CDH11: variants seen among roughly 807,000 people sequenced by gnomAD.
CDH11 encodes cadherin 11.
A neutral mutation model predicts 67.8 loss-of-function variants in CDH11; 11 were observed. That is an observed-to-expected ratio of 0.16 (90% CI 0.10 to 0.27). The LOEUF is 0.27. Ranked by LOEUF, CDH11 falls within the 10% of genes least tolerant of loss-of-function variation. CDH11 has a pLI of 1.00. For missense variants in CDH11, 847 were observed against 1,031.2 expected (o/e 0.82, Z 2.45); for synonymous variants, 419 against 400.0 (o/e 1.05, Z -0.57).
intron 2 of CDH11, among the ~76,000 whole-genome samples, chr16:65,009,720 A>G (rs2073137069): frequency 6.6e-6 from 1 of 152,328 alleles, no homozygotes; most frequent in South Asian, 2.1e-4. Context: ...ATGCCTAAGC[A>G]TTGGGATTCT....
chr16:64,982,717 T>C (rs1463675983), intron 7 of CDH11: 1 of 172,890 alleles, frequency 5.8e-6, no homozygotes, highest in Non-Finnish European at 1.2e-5. Context: ...TCTTGTTTGA[T>C]GACTGCTTCA....
chr16:65,001,914 G>A (rs553279369), intron 3 of CDH11, among the ~76,000 whole-genome samples: 2 of 151,982 alleles, frequency 1.3e-5, no homozygotes, highest in African/African-American at 4.8e-5. Context: ...TTCCCTCTCT[G>A]CATAGCACAG....
At chr16:65,099,705 A>G (rs1297032269) in intron 1 of CDH11, among the ~76,000 whole-genome samples, 1 of 152,206 alleles carries the variant, frequency 6.6e-6, no homozygotes, top group Admixed American at 6.5e-5. Context: ...GAAATGTAGA[A>G]ATATAAAATT....
At chr16:65,062,383 G>A (rs1308170339) in intron 1 of CDH11, among the ~76,000 whole-genome samples, 2 of 151,894 alleles carry the variant, frequency 1.3e-5, no homozygotes, top group Admixed American at 6.6e-5. Context: ...CACACACAGA[G>A]ACACACACAC....
At chr16:65,032,324 CAAAA>C (rs35617108) in intron 2 of CDH11, among the ~76,000 whole-genome samples, 1 of 109,388 alleles carries the variant, frequency 9.1e-6, no homozygotes. Context: ...CTGTCTCTCC[CAAAA>C]AAAAAAAAAA....
intron 1 of CDH11, among the ~76,000 whole-genome samples, chr16:65,057,621 G>C (rs1181225828): frequency 6.6e-6 from 1 of 152,146 alleles, no homozygotes; most frequent in East Asian, 1.9e-4. Flanking sequence ...TTGTGTGGAA[G>C]GCTCAGTACG....
intron 1 of CDH11, among the ~76,000 whole-genome samples, chr16:65,066,177 C>T (rs760752061): frequency 6.6e-6 from 1 of 152,208 alleles, no homozygotes; most frequent in African/African-American, 2.4e-5. Flanking sequence ...CTCCTTCATT[C>T]CTACTTTTGC....
At chr16:65,044,288 C>T (rs543282197) in intron 2 of CDH11, among the ~76,000 whole-genome samples, 1 of 152,104 alleles carries the variant, frequency 6.6e-6, no homozygotes, top group Non-Finnish European at 1.5e-5. Flanking sequence ...ATGTGGTAAC[C>T]CAGCAACATC....
intron 3 of CDH11, among the ~76,000 whole-genome samples, chr16:65,001,419 A>T (rs1349918670): frequency 1.3e-5 from 2 of 152,168 alleles, no homozygotes; most frequent in African/African-American, 2.4e-5. Flanking sequence ...CCACACCGCC[A>T]TCTTAGGGGA....
At chr16:65,017,965 C>T (rs868805450) in intron 2 of CDH11, among the ~76,000 whole-genome samples, 1 of 152,136 alleles carries the variant, frequency 6.6e-6, no homozygotes, top group African/African-American at 2.4e-5. Flanking sequence ...TAAGTTTTAG[C>T]CTTACTATAC....
At chr16:65,076,922 G>T (rs532620221) in intron 1 of CDH11, among the ~76,000 whole-genome samples, 1 of 152,106 alleles carries the variant, frequency 6.6e-6, no homozygotes, top group East Asian at 1.9e-4. Flanking sequence ...TTAGCACATG[G>T]TATTTCTAAT....
At chr16:65,103,256 G>A (rs1212455364) in intron 1 of CDH11, among the ~76,000 whole-genome samples, 1 of 152,126 alleles carries the variant, frequency 6.6e-6, no homozygotes. Context: ...TGCTTATTTA[G>A]TATATAAATA....
At chr16:65,092,784 C>CAA (rs573644581) in intron 1 of CDH11, among the ~76,000 whole-genome samples, 29 of 99,020 alleles carry the variant, frequency 2.9e-4, no homozygotes, top group African/African-American at 6.3e-4. Flanking sequence ...GGACATTTTC[C>CAA]AAAAAAAAAA....
rs920170037 is a variant in CDH11, at chr16:65,121,061, G to T, written c.-298+819C>A. Among the ~76,000 whole-genome samples the T allele has an allele frequency of 1.3e-4, 20 of 152,190 alleles. No individual in the cohort carries two copies. The highest frequency in any genetic ancestry group is 2.5e-4 in the Non-Finnish European group (17 of 68,030). ...AGAGGCTTGGCGCGCTCCGAGAAGC[G>T]GCGCAGGTTTCGGGAAGGTGTGGTT... is the stretch of plus-strand genomic sequence containing the variant. On this transcript the variant is annotated intron_variant, in intron 1 of 12. Coordinates refer to ENST00000268603, the MANE Select transcript of CDH11 (RefSeq NM_001797.4). This position sits in a 1 kb window ranked among gnomAD's most constrained non-coding sequence, Gnocchi z 4.1.
intron 2 of CDH11, 102 bp from the exon 3 acceptor site, chr16:65,005,143 G>A: frequency 1.8e-6 from 2 of 1,088,856 alleles, no homozygotes; most frequent in South Asian, 3.4e-5. Context: ...TATCACGTGG[G>A]AGCTACGGGC....
At chr16:65,122,089 G>T, upstream of CDH11, 3 of 360,712 alleles carry the variant, frequency 8.3e-6, no homozygotes. Flanking sequence ...CTAGTGGCAG[G>T]AATGAGAAAC....
intron 1 of CDH11, among the ~76,000 whole-genome samples, chr16:65,092,130 C>A (rs2142832480): frequency 6.6e-6 from 1 of 152,260 alleles, no homozygotes; most frequent in East Asian, 1.9e-4. Context: ...ATGGCAGGGT[C>A]TGTCCTCATC....
At chr16:64,984,601 A>G (rs2072438909) in intron 7 of CDH11, 1 of 152,228 alleles carries the variant, frequency 6.6e-6, no homozygotes. Context: ...TTCAACAGAA[A>G]ACCAAAACAA....
intron 1 of CDH11, among the ~76,000 whole-genome samples, chr16:65,063,225 C>A (rs948617232): frequency 2.0e-5 from 3 of 152,208 alleles, no homozygotes; most frequent in African/African-American, 7.2e-5. Flanking sequence ...ACTGCACACA[C>A]ACACACAAAC....
Sources: allele counts gnomAD v4.1 joint callset (sites outside exome capture counted in the v4.1 genomes callset), GRCh38; gene constraint gnomAD v4.1.1; non-coding constraint Gnocchi (gnomAD v3.1); transcripts MANE v1.5; gene names NCBI Gene and HGNC (gene_info 2026-07-23, HGNC 2026-07-21).